NBPF12: variants seen among roughly 807,000 people sequenced by gnomAD.
NBPF12 encodes NBPF family member NBPF12.
NBPF12 carries 115 observed loss-of-function variants against 146.4 expected under a neutral mutation model. The ratio of observed to expected loss-of-function variants is 0.79; its 90% CI spans 0.68 to 0.92. The LOEUF is 0.92. Ranked by LOEUF, NBPF12 falls within the 40% of genes least tolerant of loss-of-function variation. The probability of loss-of-function intolerance (pLI) is 0.00; values close to 1 mark genes in which losing one functional copy is unlikely to be tolerated. For missense variants in NBPF12, 1,205 were observed against 1,326.8 expected, an observed-to-expected ratio of 0.91 and a Z score of 1.43; for synonymous variants, 385 against 508.9, an observed-to-expected ratio of 0.76 and a Z score of 3.28.
intron 12 of NBPF12, 22 bp downstream of exon 15, chr1:146,970,741 C>T: frequency 7.6e-7 from 1 of 1,316,294 alleles, no homozygotes; most frequent in South Asian, 1.2e-5. Flanking sequence ...TACTCAGGAG[C>T]AAGTAATGGG....
upstream of NBPF12, among the ~76,000 whole-genome samples, chr1:146,947,784 G>A (rs2487946): frequency 7.5e-4 from 113 of 151,330 alleles, 3 homozygotes; most frequent in African/African-American, 2.8e-3. Context: ...TTTGTGACAA[G>A]TAGAGAAGAG....
chr1:146,961,157 CA>C (rs1443881227), intron 4 of NBPF12, among the ~76,000 whole-genome samples: 1 of 149,996 alleles, frequency 6.7e-6, no homozygotes, highest in African/African-American at 2.5e-5. Context: ...AACAAACAAA[CA>C]AAAGGATAAA....
Position 146,974,564 on chromosome 1 carries a change from G to T in NBPF12, c.1802-175G>T, listed in dbSNP as rs1395106029. ...CTTTCTTCATCTCTAAATTTTGGAG[G>T]ATCAGATGCCAGAAAGTCAGGAGAC... On this transcript the variant is annotated intron_variant, in intron 14 of 33. Coordinates refer to ENST00000617844, the Ensembl canonical transcript of NBPF12. Among the ~76,000 whole-genome samples the T allele has an allele frequency of 1.7e-4, 20 of 118,942 alleles. No individual in the cohort carries two copies. The East Asian group carries it at 4.5e-3, about 27-fold the overall frequency. 78.0% of individuals were successfully genotyped at this position (118,942 alleles called of 152,430 possible).
At chr1:146,961,612 C>T (rs1395555596) in intron 4 of NBPF12, among the ~76,000 whole-genome samples, 107 of 148,424 alleles carry the variant, frequency 7.2e-4, no homozygotes, top group Non-Finnish European at 1.1e-3. Flanking sequence ...GGGCATATTT[C>T]CTTCATGGCC....
chr1:146,953,978 T>C (rs1192472560), intron 2 of NBPF12, among the ~76,000 whole-genome samples: 11 of 150,020 alleles, frequency 7.3e-5, no homozygotes, highest in African/African-American at 2.7e-4. Flanking sequence ...TGTTGCAGAA[T>C]GTAAGCTCTC....
chr1:146,938,567 G>A (rs1174814806), upstream of NBPF12, among the ~76,000 whole-genome samples: 6 of 151,974 alleles, frequency 3.9e-5, no homozygotes, highest in African/African-American at 7.3e-5. Flanking sequence ...CTCCGCCCGC[G>A]GCCCGAACCC....
chr1:146,960,702 G>A (rs1179304218), intron 4 of NBPF12, among the ~76,000 whole-genome samples: 1 of 151,918 alleles, frequency 6.6e-6, no homozygotes, highest in Non-Finnish European at 1.5e-5. Flanking sequence ...CTTTTATTCA[G>A]TTCAAGTTTC....
chr1:146,939,062 G>C (rs1411132883), intron 1 of NBPF12, 50 bp downstream of exon 1: 1 of 152,224 alleles, frequency 6.6e-6, no homozygotes, highest in African/African-American at 2.4e-5. Context: ...GCGGCGCGCT[G>C]GGCCGCCGCA....
intron 2 of NBPF12, among the ~76,000 whole-genome samples, chr1:146,957,827 G>GA (rs1208926833): frequency 2.5e-5 from 2 of 79,084 alleles, no homozygotes; most frequent in African/African-American, 9.4e-5. Context: ...ACTTAAAAAA[G>GA]AAAAAAAAAA....
chr1:146,963,737 T>C (rs1346163023), intron 6 of NBPF12, among the ~76,000 whole-genome samples: 83,329 of 146,704 alleles, frequency 0.57, 24,319 homozygotes, highest in East Asian at 0.8. Context: ...GACAAATTGT[T>C]TCTTGCAAGG....
At chr1:146,954,954 C>G (rs1655509121) in intron 2 of NBPF12, among the ~76,000 whole-genome samples, 1 of 96,194 alleles carries the variant, frequency 1.0e-5, no homozygotes, top group Admixed American at 1.3e-4. Context: ...TGAAGATTAT[C>G]ATCTCCAAAT....
intron 14 of NBPF12, among the ~76,000 whole-genome samples, chr1:146,973,872 G>T (rs1189003594): frequency 6.7e-6 from 1 of 149,620 alleles, no homozygotes; most frequent in Non-Finnish European, 1.5e-5. Flanking sequence ...GGGGCACAGA[G>T]TCTTGTTCCT....
intron 31 of NBPF12, among the ~76,000 whole-genome samples, chr1:146,992,434 T>TC (rs1658232723): frequency 1.2e-5 from 1 of 81,542 alleles, no homozygotes; most frequent in Non-Finnish European, 2.2e-5. Flanking sequence ...ACTGAGCTCG[T>TC]TCTCTCTCTC....
At chr1:146,960,977 C>T (rs1655811238) in intron 4 of NBPF12, among the ~76,000 whole-genome samples, 1 of 152,046 alleles carries the variant, frequency 6.6e-6, no homozygotes, top group Non-Finnish European at 1.5e-5. Context: ...GAAACCCCAT[C>T]TCCACTAAAA....
At chr1:146,940,174 T>G (rs1444984296) in intron 1 of NBPF12, among the ~76,000 whole-genome samples, 3 of 152,070 alleles carry the variant, frequency 2.0e-5, no homozygotes, top group African/African-American at 7.3e-5. Context: ...TGAATTTAAT[T>G]AGTAAAATTT....
intron 2 of NBPF12, 142 bp downstream of exon 2, chr1:146,943,704 G>C (rs1167957506): frequency 8.9e-6 from 5 of 563,272 alleles, no homozygotes; most frequent in Non-Finnish European, 1.2e-5. Context: ...ATAAATATTT[G>C]TTAAATGAAT....
chr1:146,994,726 G>T (rs1483875778), exon 34 of NBPF12: 12 of 1,317,920 alleles, frequency 9.1e-6, no homozygotes, highest in South Asian at 3.0e-5. Context: ...GCATGCCAGT[G>T]GCAACCTGTG....
intron 1 of NBPF12, among the ~76,000 whole-genome samples, chr1:146,941,239 CA>C (rs1654789202): frequency 6.6e-6 from 1 of 151,340 alleles, no homozygotes; most frequent in Non-Finnish European, 1.5e-5. Flanking sequence ...AGACCACTAC[CA>C]TGCTCAGCTG....
At chr1:146,961,927 T>A (rs1655877095) in intron 4 of NBPF12, among the ~76,000 whole-genome samples, 1 of 152,120 alleles carries the variant, frequency 6.6e-6, no homozygotes, top group Non-Finnish European at 1.5e-5. Flanking sequence ...TTGAATCATC[T>A]TGTCAACTTC....
Sources: gnomAD v4.1 joint callset for allele counts (sites outside exome capture counted in the v4.1 genomes callset) on GRCh38, gnomAD v4.1.1 for gene constraint, MANE v1.5 for transcripts, NCBI Gene and HGNC (gene_info 2026-07-23, HGNC 2026-07-21) for gene names.